The following ASZ1 variants were observed in gnomAD, a reference collection of about 807,000 sequenced individuals.
ASZ1 encodes ankyrin repeat, SAM and basic leucine zipper domain-containing protein 1.
Under a neutral mutation model 61.8 loss-of-function variants are expected in ASZ1, and 67 were observed. The observed-to-expected ratio is 1.08, with a 90% CI of 0.89 to 1.33. The LOEUF is 1.33. Ranked by LOEUF, ASZ1 falls within the 40% of genes most tolerant of loss-of-function variation. The pLI is 0.00. For synonymous variants in ASZ1, 193 were observed against 192.7 expected, an observed-to-expected ratio of 1.00 and a Z score of -0.01; for missense variants, 577 against 554.5, an observed-to-expected ratio of 1.04 and a Z score of -0.41.
At chr7:117,384,460 T>G (rs1363926243) in intron 6 of ASZ1, among the ~76,000 whole-genome samples, 2 of 152,136 alleles carry the variant, frequency 1.3e-5, no homozygotes, top group Non-Finnish European at 2.9e-5. Context: ...ATATTACAAT[T>G]TTATTCCTGG....
rs988930255 is a variant in ASZ1 at position 117,363,345 on chromosome 7, T to G, written c.*251A>C. 1 of 252,732 alleles carries G rather than the reference T, an allele frequency of 4.0e-6. No individual in the cohort carries two copies. Among genetic ancestry groups the G allele is most frequent in the African/African-American group, 2.2e-5 (1 of 44,992 alleles). 15.7% of individuals were successfully genotyped at this position (252,732 alleles called of 1,614,324 possible). The stretch of plus-strand genomic sequence containing the variant: ...GATATAACTTTAATTTTGAATGTGA[T>G]TTAGATACGATCAAACCAAAAAATT... On this transcript the variant is annotated 3_prime_UTR_variant, in exon 13 of 13. Transcript: ENST00000284629.
At chr7:117,391,479 G>C (rs1279890812) in intron 4 of ASZ1, among the ~76,000 whole-genome samples, 1 of 152,132 alleles carries the variant, frequency 6.6e-6, no homozygotes, top group Non-Finnish European at 1.5e-5. Flanking sequence ...ATTGATTTCT[G>C]CATATGGTAA....
In ASZ1 at chr7:117,384,731, G is replaced by C. The variant is rs1429440064; in HGVS notation, c.682C>G (p.His228Asp). 6.2e-7 allele frequency: 1 copy of C among 1,611,564 alleles called. No individual in the cohort carries two copies. The highest frequency in any genetic ancestry group is 1.3e-5 in the African/African-American group (1 of 74,746). The change falls in exon 6 of 13, where the codon CAT becomes GAT. Residue 228 changes from histidine (H) to aspartate (D), a missense_variant. Physicochemically the swap from His to Asp is moderately conservative, Grantham distance 81. Coordinates refer to ENST00000284629, the MANE Select transcript of ASZ1 (RefSeq NM_130768.3). ...TAATATGTACAGAAGGATACCTCAT[G>C]ATGTTTGTTTCTTTTTGCAATCTCA... Reference protein sequence around the residue: ...PSEIAKRNKHHEIFNLLSFTL... With the variant: ...PSEIAKRNKHDEIFNLLSFTL...
intron 4 of ASZ1, among the ~76,000 whole-genome samples, chr7:117,399,145 GC>G (rs1483642122): frequency 5.3e-5 from 8 of 152,102 alleles, no homozygotes; most frequent in African/African-American, 1.9e-4. Context: ...CAGGAGGATG[GC>G]CTGAGCCCAG....
intron 4 of ASZ1, among the ~76,000 whole-genome samples, chr7:117,393,781 A>G (rs1417597650): frequency 6.6e-6 from 1 of 152,148 alleles, no homozygotes; most frequent in Non-Finnish European, 1.5e-5. Flanking sequence ...TGCGTCCATA[A>G]TAAATACATG....
intron 8 of ASZ1, among the ~76,000 whole-genome samples, chr7:117,381,439 G>A (rs1424927922): frequency 6.6e-6 from 1 of 152,012 alleles, no homozygotes; most frequent in Non-Finnish European, 1.5e-5. Context: ...TCTCCAAATA[G>A]GGAGACATTT....
intron 4 of ASZ1, among the ~76,000 whole-genome samples, chr7:117,401,328 C>T (rs983840794): frequency 3.3e-5 from 5 of 150,766 alleles, no homozygotes; most frequent in Admixed American, 6.6e-5. Flanking sequence ...TTTAAGAATT[C>T]CTGTGGGACA....
At chr7:117,394,051 A>G (rs1212592227) in intron 4 of ASZ1, among the ~76,000 whole-genome samples, 1 of 152,100 alleles carries the variant, frequency 6.6e-6, no homozygotes, top group Admixed American at 6.5e-5. Flanking sequence ...AGAACACCAA[A>G]CTTATTATAT....
rs1364985359 is a variant in ASZ1 at position 117,379,862 on chromosome 7, C to T, written c.1055+76G>A. On this transcript the variant is annotated intron_variant, in intron 10 of 12. Coordinates refer to ENST00000284629, the MANE Select transcript of ASZ1 (RefSeq NM_130768.3). ...ATGGTATCAAGTAAAATGACTCAGA[C>T]ATTATGAAAATTAAACTAAAAAGAA... The T allele has an allele frequency of 1.9e-5, 18 of 945,820 alleles. No individual in the cohort carries two copies. The Middle Eastern group carries it at 9.7e-4, about 51-fold the overall frequency. The allele number at this position is 945,820 out of a possible 1,614,324, so 58.6% of individuals were successfully genotyped here.
chr7:117,416,834 ATTAG>A (rs930661898), intron 4 of ASZ1, among the ~76,000 whole-genome samples: 1 of 152,196 alleles, frequency 6.6e-6, no homozygotes. Flanking sequence ...GAGATTTCTA[ATTAG>A]TTAAGTAGAG....
At chr7:117,398,901 ATCTTCAGTTGGCTAAC>A (rs1224065688) in intron 4 of ASZ1, among the ~76,000 whole-genome samples, 1 of 152,124 alleles carries the variant, frequency 6.6e-6, no homozygotes, top group African/African-American at 2.4e-5. Flanking sequence ...CATTTTTATG[ATCTTCAGTTGGCTAAC>A]TCCTACTTAT....
intron 4 of ASZ1, among the ~76,000 whole-genome samples, chr7:117,404,377 T>C (rs1796740093): frequency 6.6e-6 from 1 of 151,378 alleles, no homozygotes; most frequent in Non-Finnish European, 1.5e-5. Context: ...GTTGCCTACA[T>C]CTATTGGCAA....
At chr7:117,381,836 G>T (rs1796259970) in intron 8 of ASZ1, among the ~76,000 whole-genome samples, 1 of 152,138 alleles carries the variant, frequency 6.6e-6, no homozygotes, top group African/African-American at 2.4e-5. Flanking sequence ...GTATATGAAG[G>T]TTAGGCAGTG....
intron 4 of ASZ1, among the ~76,000 whole-genome samples, chr7:117,405,202 C>A (rs1119800): frequency 0.91 from 139,269 of 152,244 alleles, 63,924 homozygotes; most frequent in East Asian, 1. Flanking sequence ...TGATTTATTC[C>A]TGACAGCCCT....
chr7:117,375,842 G>C (rs901893991), intron 10 of ASZ1, among the ~76,000 whole-genome samples: 1 of 151,978 alleles, frequency 6.6e-6, no homozygotes, highest in African/African-American at 2.4e-5. Flanking sequence ...TGCTGAGAGG[G>C]AAATGTAAAA....
At chr7:117,370,099 G>T (rs1195571455) in intron 10 of ASZ1, among the ~76,000 whole-genome samples, 1 of 152,058 alleles carries the variant, frequency 6.6e-6, no homozygotes, top group Non-Finnish European at 1.5e-5. Flanking sequence ...GGTCTTGCAA[G>T]GGTATTTATT....
Position 117,363,753 on chromosome 7 carries a change from T to G in ASZ1, c.1276-5A>C, listed in dbSNP as rs754066528. 1 of 1,557,406 alleles carries G rather than the reference T, an allele frequency of 6.4e-7. No individual in the cohort carries two copies. The highest frequency in any genetic ancestry group is 1.2e-5 in the South Asian group (1 of 81,382). On this transcript the variant is annotated splice_polypyrimidine_tract_variant and splice_region_variant and intron_variant, in intron 12 of 12. Coordinates refer to ENST00000284629, the MANE Select transcript of ASZ1 (RefSeq NM_130768.3). The stretch of plus-strand genomic sequence containing the variant: ...ATTTTCCCGTTCATTTTGCAACTAA[T>G]ATTTAGTATGGAAAAAGAAAAGAGG...
chr7:117,387,630 A>C (rs1796386357), intron 4 of ASZ1, among the ~76,000 whole-genome samples: 1 of 152,058 alleles, frequency 6.6e-6, no homozygotes, highest in Non-Finnish European at 1.5e-5. Context: ...CTGCCTTCAT[A>C]ATCTGCTTCT....
chr7:117,390,467 C>A (rs1224036067), intron 4 of ASZ1, among the ~76,000 whole-genome samples: 1 of 152,156 alleles, frequency 6.6e-6, no homozygotes, highest in African/African-American at 2.4e-5. Context: ...CCATGCCCAG[C>A]TGCTATTGTG....
Sources: gnomAD v4.1 joint callset for allele counts (sites outside exome capture counted in the v4.1 genomes callset) on GRCh38, gnomAD v4.1.1 for gene constraint, MANE v1.5 for transcripts, NCBI Gene and HGNC (gene_info 2026-07-23, HGNC 2026-07-21) for gene names.